Variants in SGCG observed in about 807,000 individuals in gnomAD.
The protein encoded by SGCG is gamma-sarcoglycan.
Under a neutral mutation model 29.3 loss-of-function variants are expected in SGCG, and 26 were observed. The observed-to-expected ratio is 0.89, with a 90% CI of 0.65 to 1.23. The LOEUF (loss-of-function observed/expected upper bound fraction) is 1.23, where lower values mean the gene tolerates loss of function less well. Ranked by LOEUF, SGCG falls within the 50% of genes most tolerant of loss-of-function variation. SGCG has a pLI of 0.00. For synonymous variants in SGCG, 145 were observed against 129.7 expected (o/e 1.12, Z -0.80); for missense variants, 353 against 356.0 (o/e 0.99, Z 0.07).
intron 7 of SGCG, among the ~76,000 whole-genome samples, chr13:23,322,655 C>T (rs1883077781): frequency 6.6e-6 from 1 of 151,870 alleles, no homozygotes; most frequent in African/African-American, 2.4e-5. Context: ...CTGGGATAAA[C>T]ATCCATGGAC....
In SGCG at chr13:23,282,345, T is replaced by G. The variant is rs553150591; in HGVS notation, c.505+2867T>G. On this transcript the variant is annotated intron_variant, in intron 5 of 7. Transcript: ENST00000218867. ...ACACTGTTTTTTTGTTTTAAACTTT[T>G]ACTTTAAGTTCAGGGGTACAAGTGC... 3.3e-5 allele frequency among the ~76,000 whole-genome samples: 5 copies of G among 152,364 alleles called. No homozygotes were observed. The South Asian group carries it at 8.3e-4, about 25-fold the overall frequency.
chr13:23,274,840 A>G (rs1881009041), intron 4 of SGCG, among the ~76,000 whole-genome samples: 1 of 152,076 alleles, frequency 6.6e-6, no homozygotes, highest in East Asian at 1.9e-4. Flanking sequence ...TCCTTTTCCA[A>G]TTTAATAATG....
intron 5 of SGCG, among the ~76,000 whole-genome samples, chr13:23,283,981 G>A (rs570968534): frequency 6.6e-6 from 1 of 152,318 alleles, no homozygotes; most frequent in South Asian, 2.1e-4. Context: ...TCCACTGTTA[G>A]TCTGATGGGC....
chr13:23,210,056 G>A (rs995441629), intron 2 of SGCG, among the ~76,000 whole-genome samples: 5 of 152,090 alleles, frequency 3.3e-5, no homozygotes, highest in African/African-American at 1.2e-4. Context: ...GAAATGGTTA[G>A]CTTTTAATCT....
intron 6 of SGCG, among the ~76,000 whole-genome samples, chr13:23,317,696 G>C (rs147015642): frequency 6.6e-6 from 1 of 152,112 alleles, no homozygotes; most frequent in African/African-American, 2.4e-5. Context: ...GGATTGGTGC[G>C]TTTCCAGTTG....
intron 4 of SGCG, among the ~76,000 whole-genome samples, chr13:23,252,826 A>G (rs1880027606): frequency 1.3e-5 from 2 of 152,156 alleles, no homozygotes; most frequent in Admixed American, 1.3e-4. Flanking sequence ...CCTGCCTCTC[A>G]TTTCATAGAT....
chr13:23,177,569 T>C (rs897640496), upstream of SGCG, among the ~76,000 whole-genome samples: 2 of 41,440 alleles, frequency 4.8e-5, no homozygotes, highest in African/African-American at 3.5e-4. Context: ...GTGAGCAGGC[T>C]TTTTTTTTTT....
chr13:23,241,135 C>T (rs1360481421), intron 3 of SGCG, among the ~76,000 whole-genome samples: 2 of 127,066 alleles, frequency 1.6e-5, no homozygotes, highest in Admixed American at 9.2e-5. Context: ...GGTGACGGAG[C>T]GAGACTCCAT....
At chr13:23,198,287 A>C (rs1309588032) in intron 1 of SGCG, among the ~76,000 whole-genome samples, 1 of 152,216 alleles carries the variant, frequency 6.6e-6, no homozygotes, top group African/African-American at 2.4e-5. Context: ...CATGACAATA[A>C]ATGTTGGTTG....
intron 5 of SGCG, among the ~76,000 whole-genome samples, chr13:23,280,873 C>T (rs1881281549): frequency 6.6e-6 from 1 of 152,202 alleles, no homozygotes; most frequent in Non-Finnish European, 1.5e-5. Context: ...TCACTTCAAA[C>T]CCAAGCCCTC....
At chr13:23,180,947 GGACAGTT>G (rs1422849467), upstream of SGCG, 8 of 152,154 alleles carry the variant, frequency 5.3e-5, no homozygotes, top group Non-Finnish European at 8.8e-5. Context: ...CTTTCTCCAG[GGACAGTT>G]GCTGAAGCTT....
chr13:23,239,177 G>A (rs1285343256), intron 3 of SGCG, among the ~76,000 whole-genome samples: 1 of 151,958 alleles, frequency 6.6e-6, no homozygotes, highest in Non-Finnish European at 1.5e-5. Flanking sequence ...TAATTAAATT[G>A]CTTAAAAACA....
In SGCG at chr13:23,187,492, A is replaced by G. The variant is rs377483573; in HGVS notation, c.-1+6417A>G. On this transcript the variant is annotated intron_variant, in intron 1 of 7. Coordinates refer to ENST00000218867, the MANE Select transcript of SGCG (RefSeq NM_000231.3). ...TTTGTCAGCGAGGAGGTTTTCTCTC[A>G]CCACAATCTTTCAGGGCCACCCATT... Among the ~76,000 whole-genome samples, 303 of 152,230 alleles carry G rather than the reference A, an allele frequency of 2.0e-3. 1 individual carries two copies. Among genetic ancestry groups the G allele is most frequent in the African/African-American group, 7.0e-3 (292 of 41,542 alleles).
chr13:23,185,834 G>A (rs915848368), intron 1 of SGCG, among the ~76,000 whole-genome samples: 1 of 152,178 alleles, frequency 6.6e-6, no homozygotes, highest in African/African-American at 2.4e-5. Flanking sequence ...CTCGTCATCA[G>A]CCATCACTTC....
chr13:23,295,557 T>C, intron 6 of SGCG, 70 bp downstream of exon 6: 1 of 1,052,610 alleles, frequency 9.5e-7, no homozygotes, highest in South Asian at 1.3e-5. Flanking sequence ...TGGAATAATG[T>C]TAGCAGTGAC....
intron 6 of SGCG, among the ~76,000 whole-genome samples, chr13:23,306,153 T>C (rs1882353748): frequency 6.6e-6 from 1 of 152,198 alleles, no homozygotes; most frequent in Non-Finnish European, 1.5e-5. Flanking sequence ...TGTCAGCCAC[T>C]GTGCCTGGCT....
chr13:23,196,849 C>T (rs2137489723), intron 1 of SGCG, among the ~76,000 whole-genome samples: 1 of 152,160 alleles, frequency 6.6e-6, no homozygotes. Flanking sequence ...GAATTACTGC[C>T]ACTAATTAAC....
the SGCG span, among the ~76,000 whole-genome samples, chr13:23,174,536 TAA>T: frequency 1.3e-5 from 2 of 152,210 alleles, no homozygotes; most frequent in South Asian, 2.1e-4. Flanking sequence ...AGATTAAAAA[TAA>T]AAGTCAGGAG....
At chr13:23,231,903 G>A in intron 2 of SGCG, among the ~76,000 whole-genome samples, 1 of 152,126 alleles carries the variant, frequency 6.6e-6, no homozygotes, top group Admixed American at 6.5e-5. Flanking sequence ...CAGATCACCT[G>A]AGGTCAGGAG....
Sources: gnomAD v4.1 joint callset for allele counts (sites outside exome capture counted in the v4.1 genomes callset) on GRCh38, gnomAD v4.1.1 for gene constraint, MANE v1.5 for transcripts, NCBI Gene and HGNC (gene_info 2026-07-23, HGNC 2026-07-21) for gene names.